LUZP2: variants seen among roughly 807,000 people sequenced by gnomAD.
The protein encoded by LUZP2 is leucine zipper protein 2.
LUZP2 carries 52 observed loss-of-function variants against 51.6 expected under a neutral mutation model. The ratio of observed to expected loss-of-function variants is 1.01; its 90% CI spans 0.81 to 1.27. LUZP2 has a LOEUF of 1.27. Among genes scored for constraint, LUZP2 ranks in the 50% most tolerant of loss-of-function variants. LUZP2 has a pLI of 0.00. For missense variants in LUZP2, 436 were observed against 395.4 expected, an observed-to-expected ratio of 1.10 and a Z score of -0.87; for synonymous variants, 154 against 137.3, an observed-to-expected ratio of 1.12 and a Z score of -0.85.
intron 4 of LUZP2, among the ~76,000 whole-genome samples, chr11:24,750,541 C>G (rs1859540127): frequency 6.6e-6 from 1 of 152,104 alleles, no homozygotes; most frequent in African/African-American, 2.4e-5. Flanking sequence ...AAATATTCTA[C>G]CAGTTGGTAA....
At chr11:24,795,005 T>C (rs533667592) in intron 5 of LUZP2, among the ~76,000 whole-genome samples, 10 of 152,250 alleles carry the variant, frequency 6.6e-5, no homozygotes, top group African/African-American at 2.2e-4. Context: ...AGTTAAATAC[T>C]GTTAAAACTC....
chr11:24,857,768 C>G (rs575302958), intron 5 of LUZP2, among the ~76,000 whole-genome samples: 216 of 152,086 alleles, frequency 1.4e-3, no homozygotes, highest in Non-Finnish European at 2.4e-3. Flanking sequence ...ATGCTTCCAG[C>G]CACCTCCACC....
At chr11:24,846,125 T>C (rs981119473) in intron 5 of LUZP2, among the ~76,000 whole-genome samples, 5 of 151,530 alleles carry the variant, frequency 3.3e-5, no homozygotes, top group Non-Finnish European at 7.4e-5. Context: ...GAAACATGAA[T>C]TCAAGGATAC....
At chr11:24,516,821 T>C (rs1217687150) in intron 1 of LUZP2, among the ~76,000 whole-genome samples, 1 of 152,202 alleles carries the variant, frequency 6.6e-6, no homozygotes, top group Non-Finnish European at 1.5e-5. Context: ...TACAGCTGCC[T>C]AGGTAACAGC....
At chr11:24,590,564 C>G (rs1174476781) in intron 1 of LUZP2, among the ~76,000 whole-genome samples, 1 of 152,028 alleles carries the variant, frequency 6.6e-6, no homozygotes, top group Non-Finnish European at 1.5e-5. Context: ...AGTATAATGA[C>G]TAATAATTTT....
intron 1 of LUZP2, among the ~76,000 whole-genome samples, chr11:24,497,944 C>A (rs1308018369): frequency 1.3e-5 from 2 of 152,084 alleles, no homozygotes; most frequent in Non-Finnish European, 2.9e-5. Context: ...ATGCAGAGAC[C>A]CTAGTCAGAA....
rs1451196499 is a variant in LUZP2, at chr11:25,081,814, A to C, written c.*3156A>C. 1 of 152,172 alleles carries C rather than the reference A, an allele frequency of 6.6e-6. No individual in the cohort carries two copies. Among genetic ancestry groups the C allele is most frequent in the Non-Finnish European group, 1.5e-5 (1 of 68,016 alleles). The allele number at this position is 152,172 out of a possible 1,614,324, so 9.4% of individuals were successfully genotyped here. A position where few individuals can be genotyped will look rare whatever the true frequency, so the allele number is the denominator to read the frequency against. On this transcript the variant is annotated 3_prime_UTR_variant, in exon 12 of 12. Coordinates refer to ENST00000336930, the MANE Select transcript of LUZP2 (RefSeq NM_001009909.4). ...TGAAAGATTATTTACATTTTGAAAA[A>C]CATGGAATTGATTCTTATTAAGAAA...
chr11:24,873,666 A>G (rs972044), intron 5 of LUZP2, among the ~76,000 whole-genome samples: 62,310 of 151,904 alleles, frequency 0.41, 14,815 homozygotes, highest in East Asian at 0.65. Context: ...ACTTGAGGCC[A>G]TGCTCTCACA....
chr11:24,920,440 G>A (rs1040019730), intron 7 of LUZP2, among the ~76,000 whole-genome samples: 7 of 151,594 alleles, frequency 4.6e-5, no homozygotes, highest in African/African-American at 1.2e-4. Context: ...CTCACTGTTG[G>A]GTATCTACTC....
chr11:24,609,612 C>T lies in LUZP2; in HGVS notation c.62+112307C>T, dbSNP rs1475849443. Among the ~76,000 whole-genome samples, 4 of 150,872 alleles carry T rather than the reference C, an allele frequency of 2.7e-5. No individual in the cohort carries two copies. In the East Asian group the frequency reaches 7.9e-4, roughly 30 times the overall value. On this transcript the variant is annotated intron_variant, in intron 1 of 11. Transcript: ENST00000336930. ...GGATGTGGTGGCATGTGCCTGTAAT[C>T]CCAGCTACTCGGAAGGCTGAGGCAC...
At chr11:24,700,862 TG>T in intron 1 of LUZP2, among the ~76,000 whole-genome samples, 1 of 148,912 alleles carries the variant, frequency 6.7e-6, no homozygotes, top group South Asian at 2.2e-4. Flanking sequence ...ATATATATGA[TG>T]AATGTAAGGA....
At chr11:24,880,341 G>T (rs1005587594) in intron 5 of LUZP2, among the ~76,000 whole-genome samples, 1 of 131,232 alleles carries the variant, frequency 7.6e-6, no homozygotes, top group Non-Finnish European at 1.7e-5. Context: ...GGGTGGCATT[G>T]GTAATTCAAC....
chr11:24,521,124 G>A (rs1276475320), intron 1 of LUZP2, among the ~76,000 whole-genome samples: 2 of 152,174 alleles, frequency 1.3e-5, no homozygotes. Flanking sequence ...GCCAAGGTGT[G>A]CGGATCACCT....
chr11:24,887,187 TTTTGA>T (rs1229387102), intron 5 of LUZP2, among the ~76,000 whole-genome samples: 5,808 of 54,834 alleles, frequency 0.11, 363 homozygotes, highest in African/African-American at 0.29. Flanking sequence ...CCCCTAGTTT[TTTTGA>T]TTTTGTTTTG....
At chr11:24,537,235 G>T (rs1180141571) in intron 1 of LUZP2, among the ~76,000 whole-genome samples, 1 of 151,914 alleles carries the variant, frequency 6.6e-6, no homozygotes, top group African/African-American at 2.4e-5. Context: ...AAATGGCACT[G>T]ATAGGCTTGC....
intron 1 of LUZP2, among the ~76,000 whole-genome samples, chr11:24,608,897 C>T (rs1854025467): frequency 6.6e-6 from 1 of 151,554 alleles, no homozygotes; most frequent in African/African-American, 2.4e-5. Flanking sequence ...TATATATATA[C>T]AGGAGTTCTC....
intron 1 of LUZP2, among the ~76,000 whole-genome samples, chr11:24,682,616 GTATATATA>G (rs371555768): frequency 0.19 from 26,927 of 143,930 alleles, 2,569 homozygotes; most frequent in East Asian, 0.33. Context: ...ATGTGTATGT[GTATATATA>G]TATATACACA....
In LUZP2 at chr11:24,870,758, G is replaced by A. The variant is rs146613338; in HGVS notation, c.397-35233G>A. On this transcript the variant is annotated intron_variant, in intron 5 of 11. Coordinates refer to ENST00000336930, the MANE Select transcript of LUZP2 (RefSeq NM_001009909.4). ...CAAAAGCCTTAAGGGGGTTTCTCTC[G>A]GCTAAAAATTTTATTGAAAACACAA... Among the ~76,000 whole-genome samples the A allele has an allele frequency of 4.3e-3, 650 of 151,956 alleles. 6 individuals carry two copies. Among genetic ancestry groups the A allele is most frequent in the African/African-American group, 0.015 (608 of 41,452 alleles).
chr11:25,013,020 C>T (rs549023004), intron 9 of LUZP2, among the ~76,000 whole-genome samples: 9 of 152,102 alleles, frequency 5.9e-5, no homozygotes, highest in African/African-American at 2.2e-4. Context: ...TAGGTATACC[C>T]AAATGGAATA....
Sources: gnomAD v4.1 joint callset for allele counts (sites outside exome capture counted in the v4.1 genomes callset) on GRCh38, gnomAD v4.1.1 for gene constraint, MANE v1.5 for transcripts, NCBI Gene and HGNC (gene_info 2026-07-23, HGNC 2026-07-21) for gene names.